The following CRYGN variants were observed in gnomAD, a reference collection of about 807,000 sequenced individuals.
The protein encoded by CRYGN is gamma-crystallin N.
In CRYGN, 17 loss-of-function variants were observed where a neutral mutation model predicts 19.2. The ratio of observed to expected loss-of-function variants is 0.89; its 90% CI spans 0.61 to 1.33. The LOEUF is 1.33. Ranked by LOEUF, CRYGN falls within the 40% of genes most tolerant of loss-of-function variation. The pLI is 0.00. For missense variants in CRYGN, 239 were observed against 239.6 expected, an observed-to-expected ratio of 1.00 and a Z score of 0.02; for synonymous variants, 84 against 85.8, an observed-to-expected ratio of 0.98 and a Z score of 0.12.
intron 1 of CRYGN, 44 bp from the exon 2 acceptor site, chr7:151,438,288 C>T (rs762801309): frequency 1.3e-6 from 2 of 1,566,148 alleles, no homozygotes; most frequent in South Asian, 2.3e-5. Context: ...GGGCTTCTCT[C>T]CGTCAGCGTT....
chr7:151,439,229 G>A (rs1350341595), intron 1 of CRYGN: 4 of 152,288 alleles, frequency 2.6e-5, no homozygotes, highest in Admixed American at 6.5e-5. Flanking sequence ...GCACCCCAGA[G>A]TTACTGGGGC....
chr7:151,437,576 G>A (rs1416863529), intron 2 of CRYGN, among the ~76,000 whole-genome samples: 1 of 152,126 alleles, frequency 6.6e-6, no homozygotes, highest in African/African-American at 2.4e-5. Context: ...TCCTCCATCA[G>A]CCATTCCAAG....
chr7:151,434,487 C>T (rs976820340), intron 3 of CRYGN, among the ~76,000 whole-genome samples: 3 of 152,186 alleles, frequency 2.0e-5, no homozygotes, highest in Non-Finnish European at 2.9e-5. Flanking sequence ...TTTCGTAAAA[C>T]GGAATCCTGG....
At position 151,438,058 on chromosome 7, in the gene CRYGN, G is replaced by C. The variant is rs1488228725; in HGVS notation, c.208C>G (p.Pro70Ala). ...TGGCTGTTCCAGCGGAAGAAGTCGG[G>C]GTAGTCGCCGTGCTCCAAGATGAAC... ...QQFILEHGDY[P>A]DFFRWNSHSD... The change falls in exon 2 of 4, where the codon CCC becomes GCC. Residue 70 changes from proline (P) to alanine (A), a missense_variant. Transcript: ENST00000337323. 4 of 1,613,928 alleles carry C rather than the reference G, an allele frequency of 2.5e-6. No individual in the cohort carries two copies. Among genetic ancestry groups the C allele is most frequent in the Admixed American group, 3.3e-5 (2 of 60,006 alleles).
At position 151,430,149 on chromosome 7, in the gene CRYGN, C is replaced by T; in HGVS notation, c.448G>A (p.Asp150Asn). Residue 150 changes from aspartate to asparagine, a missense_variant, in exon 4 of 4, where the codon GAC (aspartate) becomes AAC (asparagine). Coordinates refer to ENST00000337323, the MANE Select transcript of CRYGN (RefSeq NM_144727.3). This position sits in a 1 kb window ranked among gnomAD's most constrained non-coding sequence, Gnocchi z 5.2. ...TGAAGAGAGCTGCTCAGCTGGAAGT[C>T]CTCAGCTCCGAAGCTTCTAGGGCTC... is the stretch of plus-strand genomic sequence containing the variant. ...AWSPRSFGAE[D>N]FQLSSSLQSD... The T allele has an allele frequency of 6.2e-7, 1 of 1,613,900 alleles. No individual in the cohort carries two copies. The highest frequency in any genetic ancestry group is 8.5e-7 in the Non-Finnish European group (1 of 1,179,832).
rs937665086 is a variant in CRYGN, at chr7:151,438,204, A to G, written c.62T>C (p.Leu21Pro). The stretch of plus-strand genomic sequence containing the variant: ...GTTGTCACAGTCCCCGAAGACCTCC[A>G]GCTTCTGCCCTGTGAAGTGCTTGCC... Reference protein sequence around the residue: ...YEGKHFTGQKLEVFGDCDNFQ... With the variant: ...YEGKHFTGQKPEVFGDCDNFQ... The change falls in exon 2 of 4, where the codon CTG (leucine) becomes CCG (proline). Residue 21 changes from leucine (L) to proline (P), a missense_variant. Physicochemically the swap from Leu to Pro is moderately conservative, Grantham distance 98 (BLOSUM62 -3). Coordinates refer to ENST00000337323, the MANE Select transcript of CRYGN (RefSeq NM_144727.3). 1.9e-6 allele frequency: 3 copies of G among 1,613,868 alleles called. No individual in the cohort carries two copies. The highest frequency in any genetic ancestry group is 2.7e-5 in the African/African-American group (2 of 74,946).
In CRYGN at chr7:151,436,238, G is replaced by A. The variant is rs751615751; in HGVS notation, c.358C>T (p.Gln120Ter). The A allele has an allele frequency of 3.1e-6, 5 of 1,597,850 alleles. No homozygotes were observed. Among genetic ancestry groups the A allele is most frequent in the Non-Finnish European group, 2.6e-6 (3 of 1,171,890 alleles). Residue 120 changes from glutamine (Q) to a stop codon, truncating the protein, a stop_gained, in exon 3 of 4, where the codon CAG becomes TAG. Coordinates refer to ENST00000337323, the MANE Select transcript of CRYGN (RefSeq NM_144727.3). LOFTEE classifies it high-confidence loss of function. This position sits in a 1 kb window ranked among gnomAD's most constrained non-coding sequence, Gnocchi z 5.1. Reference protein sequence around the residue: ...LEFLEDSPFLQSRGWVKNCVN... With the variant: ...LEFLEDSPFL Reference sequence around the variant, plus strand: ...CAGTTCTTGACCCAGCCCCTGCTCTGGAGGAAGGGGCTGTCCTCCAGGAAC... The same window carrying A: ...CAGTTCTTGACCCAGCCCCTGCTCTAGAGGAAGGGGCTGTCCTCCAGGAAC...
rs779167422 is a variant in CRYGN at position 151,436,134 on chromosome 7, A to G, written c.416+46T>C. 7.3e-7 allele frequency: 1 copy of G among 1,367,360 alleles called. No homozygotes were observed. The highest frequency in any genetic ancestry group is 2.9e-5 in the Admixed American group (1 of 34,492). The allele number at this position is 1,367,360 out of a possible 1,614,324, so 84.7% of individuals were successfully genotyped here. ...GGCAGCCTCCCACGCCTGGTGCTGAAGGGCCTAGCCGGGCCTCGGGGTGCG... is the reference window on the plus strand; with the variant it reads ...GGCAGCCTCCCACGCCTGGTGCTGAGGGGCCTAGCCGGGCCTCGGGGTGCG... On this transcript the variant is annotated intron_variant, in intron 3 of 3. Coordinates refer to ENST00000337323, the MANE Select transcript of CRYGN (RefSeq NM_144727.3). This position sits in a 1 kb window ranked among gnomAD's most constrained non-coding sequence, Gnocchi z 5.1.
At chr7:151,438,503 C>T (rs961521200) in intron 1 of CRYGN, among the ~76,000 whole-genome samples, 9 of 152,206 alleles carry the variant, frequency 5.9e-5, no homozygotes, top group Admixed American at 3.3e-4. Context: ...ATTTCAGCAG[C>T]GATTTGGGGA....
intron 1 of CRYGN, 38 bp downstream of exon 1, chr7:151,439,859 C>A: frequency 6.5e-7 from 1 of 1,546,280 alleles, no homozygotes; most frequent in Admixed American, 2.0e-5. Flanking sequence ...GAAGGCGGAG[C>A]CCCACTCGGT....
In CRYGN at chr7:151,429,443, T is replaced by C. The variant is rs2150904568; in HGVS notation, c.*605A>G. The C allele has an allele frequency of 6.1e-6, 1 of 162,856 alleles. No homozygotes were observed. The highest frequency in any genetic ancestry group is 1.4e-5 in the Non-Finnish European group (1 of 73,364). The allele number at this position is 162,856 out of a possible 1,614,324, so 10.1% of individuals were successfully genotyped here. A position where few individuals can be genotyped will look rare whatever the true frequency, so the allele number is the denominator to read the frequency against. ...TGCACTCATTTCACAGAACAGGGTCTGAGGCCTGGAGAGGCTTTGGGTTTG... is the reference window on the plus strand; with the variant it reads ...TGCACTCATTTCACAGAACAGGGTCCGAGGCCTGGAGAGGCTTTGGGTTTG... On this transcript the variant is annotated 3_prime_UTR_variant, in exon 4 of 4. Coordinates refer to ENST00000337323, the MANE Select transcript of CRYGN (RefSeq NM_144727.3).
intron 3 of CRYGN, among the ~76,000 whole-genome samples, chr7:151,434,029 T>C (rs1584824116): frequency 6.6e-6 from 1 of 151,938 alleles, no homozygotes; most frequent in African/African-American, 2.4e-5. Context: ...TGGGAGGTGG[T>C]GGAGGGACCC....
In CRYGN at chr7:151,439,853, G is replaced by A. The variant is rs1327367836; in HGVS notation, c.21+44C>T. On this transcript the variant is annotated intron_variant, in intron 1 of 3. Transcript: ENST00000337323. ...GCATCCCCTAGCACAGGGGGCGAAG[G>A]CGGAGCCCCACTCGGTTTCCTTGGG... 7 of 1,541,582 alleles carry A rather than the reference G, an allele frequency of 4.5e-6. No homozygotes were observed. In the East Asian group the frequency reaches 7.2e-5, roughly 16 times the overall value.
intron 2 of CRYGN, chr7:151,437,692 TA>T: frequency 1.1e-6 from 1 of 871,210 alleles, no homozygotes; most frequent in Non-Finnish European, 1.7e-6. Context: ...GCTGGAAATC[TA>T]AATTTGGATG....
Position 151,429,762 on chromosome 7 carries a change from C to T in CRYGN, c.*286G>A. On this transcript the variant is annotated 3_prime_UTR_variant, in exon 4 of 4. Coordinates refer to ENST00000337323, the MANE Select transcript of CRYGN (RefSeq NM_144727.3). ...CTCCATAAATATTCATCAACATCAT[C>T]ACCATCATCAGCTGTGGGCTGAGGT... 1 of 484,306 alleles carries T rather than the reference C, an allele frequency of 2.1e-6. No individual in the cohort carries two copies. The allele number at this position is 484,306 out of a possible 1,614,324, so 30.0% of individuals were successfully genotyped here.
intron 3 of CRYGN, chr7:151,432,264 G>C: frequency 8.1e-7 from 1 of 1,232,210 alleles, no homozygotes. Context: ...CGTGGTAGTT[G>C]GGCTCCTCAT....
In CRYGN at chr7:151,431,409, C is replaced by T. The variant is rs1563079310; in HGVS notation, c.417-1229G>A. Among the ~76,000 whole-genome samples, 1 of 152,120 alleles carries T rather than the reference C, an allele frequency of 6.6e-6. No homozygotes were observed. ...GTGTCCCCTCTAGATTCAAGCCCAC[C>T]CCAACAGGAGGACCCAGTGTCCTGG... is the stretch of plus-strand genomic sequence containing the variant. On this transcript the variant is annotated intron_variant, in intron 3 of 3. Transcript: ENST00000337323. The surrounding 1 kb of genome is among the most constrained non-coding windows in gnomAD (Gnocchi z 4.8).
In CRYGN at chr7:151,432,311, G is replaced by A. The variant is rs554873030; in HGVS notation, c.417-2131C>T. The A allele has an allele frequency of 3.3e-5, 40 of 1,197,230 alleles. No individual in the cohort carries two copies. In the East Asian group the frequency reaches 6.0e-4, roughly 18 times the overall value. 74.2% of individuals were successfully genotyped at this position (1,197,230 alleles called of 1,614,324 possible). A position where few individuals can be genotyped will look rare whatever the true frequency, so the allele number is the denominator to read the frequency against. On this transcript the variant is annotated intron_variant, in intron 3 of 3. Transcript: ENST00000337323. ...CTGGAGGCCAGGGGAGTGGGGATCA[G>A]GGGCTGCCAGGAAGTCCCCCGGGAC...
At position 151,431,552 on chromosome 7, in the gene CRYGN, C is replaced by T. The variant is rs958691565; in HGVS notation, c.417-1372G>A. ...ACTGCTCCAGGGGCTATGGCTGCAG[C>T]AGACACGCCCCATGCCCCTTTCTCC... is the stretch of plus-strand genomic sequence containing the variant. On this transcript the variant is annotated intron_variant, in intron 3 of 3. Coordinates refer to ENST00000337323, the MANE Select transcript of CRYGN (RefSeq NM_144727.3). This position sits in a 1 kb window ranked among gnomAD's most constrained non-coding sequence, Gnocchi z 4.8. Among the ~76,000 whole-genome samples the T allele has an allele frequency of 6.6e-6, 1 of 152,156 alleles. No individual in the cohort carries two copies. Among genetic ancestry groups the T allele is most frequent in the African/African-American group, 2.4e-5 (1 of 41,432 alleles).
Sources: allele counts gnomAD v4.1 joint callset (sites outside exome capture counted in the v4.1 genomes callset), GRCh38; gene constraint gnomAD v4.1.1; non-coding constraint Gnocchi (gnomAD v3.1); transcripts MANE v1.5; gene names NCBI Gene and HGNC (gene_info 2026-07-23, HGNC 2026-07-21).